PTPN3: variants seen among roughly 807,000 people sequenced by gnomAD.
PTPN3 encodes protein tyrosine phosphatase non-receptor type 3.
A neutral mutation model predicts 132.7 loss-of-function variants in PTPN3; 96 were observed. That is an observed-to-expected ratio of 0.72 (90% CI 0.61 to 0.86). PTPN3 has a LOEUF of 0.86. PTPN3 is among the 40% of genes least tolerant of loss of function. PTPN3 has a pLI of 0.00. For synonymous variants in PTPN3, 398 were observed against 429.0 expected (o/e 0.93, Z 0.89); for missense variants, 1,125 against 1,159.6 (o/e 0.97, Z 0.43).
In PTPN3 at chr9:109,406,477, C is replaced by T; in HGVS notation, c.1777G>A (p.Val593Met). 1 of 1,614,028 alleles carries T rather than the reference C, an allele frequency of 6.2e-7. No individual in the cohort carries two copies. The highest frequency in any genetic ancestry group is 8.5e-7 in the Non-Finnish European group (1 of 1,179,916). ...RESHSRELAL[V>M]IRRRAVRSFA... ...TGGCCATTACCTCTCCTCCTGATCA[C>T]CAGGGCCAGCTCCCGTGAGTGGGAC... The change falls in exon 18 of 26, where the codon GTG (valine) becomes ATG (methionine). Residue 593 changes from valine to methionine, a missense_variant. Coordinates refer to ENST00000374541, the MANE Select transcript of PTPN3 (RefSeq NM_002829.4).
intron 2 of PTPN3, among the ~76,000 whole-genome samples, chr9:109,459,670 C>A (rs1238682589): frequency 2.6e-5 from 4 of 152,154 alleles, no homozygotes; most frequent in African/African-American, 9.7e-5. Flanking sequence ...CTGCTTTGGC[C>A]TCTCAAAGTG....
chr9:109,537,904 C>T, the PTPN3 span, among the ~76,000 whole-genome samples: 1 of 152,204 alleles, frequency 6.6e-6, no homozygotes, highest in African/African-American at 2.4e-5. Flanking sequence ...CCATGTTGTT[C>T]TTATCATTAA....
At chr9:109,384,425 G>A (rs1279023483) in intron 22 of PTPN3, among the ~76,000 whole-genome samples, 1 of 152,170 alleles carries the variant, frequency 6.6e-6, no homozygotes, top group Non-Finnish European at 1.5e-5. Context: ...ACTTGCCCAA[G>A]GCCATGAGGT....
chr9:109,528,099 A>G, the PTPN3 span, among the ~76,000 whole-genome samples: 203 of 152,354 alleles, frequency 1.3e-3, no homozygotes, highest in African/African-American at 4.7e-3. Flanking sequence ...TATAATATCT[A>G]GTGTTGGCAA....
At chr9:109,471,572 A>T (rs7874285) in intron 1 of PTPN3, among the ~76,000 whole-genome samples, 46,789 of 152,040 alleles carry the variant, frequency 0.31, 7,638 homozygotes, top group South Asian at 0.4. Flanking sequence ...GTCCATACTA[A>T]AATTTTGCAA....
chr9:109,392,133 AT>A (rs1204140947), intron 19 of PTPN3, among the ~76,000 whole-genome samples: 45 of 152,342 alleles, frequency 3.0e-4, no homozygotes, highest in African/African-American at 1.1e-3. Flanking sequence ...ATCTAAAGTC[AT>A]GTATTAGACA....
At chr9:109,470,139 C>T (rs1846305110) in intron 1 of PTPN3, among the ~76,000 whole-genome samples, 1 of 152,074 alleles carries the variant, frequency 6.6e-6, no homozygotes, top group Admixed American at 6.6e-5. Flanking sequence ...CTATCAGCCA[C>T]CCTAGACAAT....
At chr9:109,449,863 T>C (rs1845133165) in intron 5 of PTPN3, 1 of 985,328 alleles carries the variant, frequency 1.0e-6, no homozygotes. Flanking sequence ...AACTGGCTTT[T>C]TGAGATGGGA....
chr9:109,431,988 A>G (rs1287914254), intron 10 of PTPN3, among the ~76,000 whole-genome samples: 1 of 150,686 alleles, frequency 6.6e-6, no homozygotes, highest in Non-Finnish European at 1.5e-5. Context: ...AATTACTGCT[A>G]TTAATAACGA....
At chr9:109,418,531 T>C (rs1842683378) in intron 14 of PTPN3, among the ~76,000 whole-genome samples, 1 of 152,244 alleles carries the variant, frequency 6.6e-6, no homozygotes, top group Non-Finnish European at 1.5e-5. Flanking sequence ...GAATTCTGTG[T>C]GAAAAATGCA....
intron 11 of PTPN3, 43 bp from the exon 12 acceptor site, chr9:109,427,165 G>A: frequency 1.9e-6 from 3 of 1,595,522 alleles, no homozygotes; most frequent in South Asian, 2.2e-5. Flanking sequence ...ACAGACATAG[G>A]AGCAGGGACT....
intron 2 of PTPN3, among the ~76,000 whole-genome samples, chr9:109,458,401 A>T (rs1236504114): frequency 6.6e-6 from 1 of 152,246 alleles, no homozygotes; most frequent in East Asian, 1.9e-4. Context: ...TTTAACAGGC[A>T]GACTTTGCAG....
chr9:109,392,108 A>G (rs1323367856), intron 19 of PTPN3, among the ~76,000 whole-genome samples: 1 of 152,182 alleles, frequency 6.6e-6, no homozygotes, highest in African/African-American at 2.4e-5. Flanking sequence ...ATCTCAAACA[A>G]CACAATCTTT....
intron 1 of PTPN3, among the ~76,000 whole-genome samples, chr9:109,481,027 T>C (rs947243130): frequency 1.3e-5 from 2 of 152,132 alleles, no homozygotes; most frequent in African/African-American, 2.4e-5. Context: ...GACTCTTTCA[T>C]AACAAAGGAA....
intron 10 of PTPN3, among the ~76,000 whole-genome samples, chr9:109,431,153 G>C (rs1843636206): frequency 6.6e-6 from 1 of 152,218 alleles, no homozygotes. Flanking sequence ...GGTGAGGGAG[G>C]CTTCAGCAGG....
intron 19 of PTPN3, among the ~76,000 whole-genome samples, chr9:109,393,779 G>C (rs1840338482): frequency 6.6e-6 from 1 of 152,116 alleles, no homozygotes; most frequent in South Asian, 2.1e-4. Flanking sequence ...GGGTAAAAAG[G>C]ATTTTTCCCT....
the PTPN3 span, among the ~76,000 whole-genome samples, chr9:109,536,745 G>A: frequency 7.2e-5 from 11 of 152,280 alleles, no homozygotes; most frequent in African/African-American, 2.6e-4. Context: ...TGAACAAAGG[G>A]AAAGGAAGAA....
intron 1 of PTPN3, among the ~76,000 whole-genome samples, chr9:109,491,773 G>C (rs1023333946): frequency 3.3e-5 from 5 of 152,216 alleles, no homozygotes; most frequent in African/African-American, 1.2e-4. Context: ...AGTAATCAGT[G>C]GGGAGGGGGA....
intron 10 of PTPN3, 108 bp from the exon 11 acceptor site, chr9:109,428,792 G>C: frequency 6.8e-7 from 1 of 1,461,958 alleles, no homozygotes. Context: ...ATGAGTGGGG[G>C]CTCTTGGCTG....
Sources: allele counts gnomAD v4.1 joint callset (sites outside exome capture counted in the v4.1 genomes callset), GRCh38; gene constraint gnomAD v4.1.1; transcripts MANE v1.5; gene names NCBI Gene and HGNC (gene_info 2026-07-23, HGNC 2026-07-21).